C3orf70: variants seen among roughly 807,000 people sequenced by gnomAD.
C3orf70 encodes the protein chromosome 3 open reading frame 70.
A neutral mutation model predicts 20.7 loss-of-function variants in C3orf70; 15 were observed. That is an observed-to-expected ratio of 0.72 (90% CI 0.48 to 1.11). The LOEUF is 1.11. Among genes scored for constraint, C3orf70 ranks in the 50% most tolerant of loss-of-function variants. The pLI is 0.00. For synonymous variants in C3orf70, 161 were observed against 125.7 expected (o/e 1.28, Z -1.88); for missense variants, 332 against 317.6 (o/e 1.05, Z -0.34).
intron 1 of C3orf70, among the ~76,000 whole-genome samples, chr3:185,119,390 C>T (rs1330056297): frequency 3.9e-5 from 6 of 152,244 alleles, no homozygotes; most frequent in East Asian, 1.9e-4. Flanking sequence ...CGGTGGTTCA[C>T]GCCTGTAATC....
chr3:185,096,130 G>C (rs1219576963), intron 1 of C3orf70, among the ~76,000 whole-genome samples: 1 of 139,592 alleles, frequency 7.2e-6, no homozygotes, highest in Non-Finnish European at 1.6e-5. Context: ...TGTAATCAAA[G>C]AAAATATACT....
Position 185,152,722 on chromosome 3 carries a change from G to A in C3orf70, c.102C>T (p.Asp34=), listed in dbSNP as rs144176452. The change falls in exon 1 of 2, where the codon GAC becomes GAT. Residue 34 remains aspartate (D), a synonymous_variant. Transcript: ENST00000335012. The stretch of plus-strand genomic sequence containing the variant: ...TAGACAGCCCGTCGCACGGCTGGAA[G>A]TCGGGTCTGCGGGCGGCGCAACTCC... ...LARSCAARRP[D]FQPCDGLSIC... is the part of the protein sequence containing the mutation. 22 of 1,594,514 alleles carry A rather than the reference G, an allele frequency of 1.4e-5. No homozygotes were observed. The East Asian group carries it at 1.7e-4, about 12-fold the overall frequency.
At chr3:185,096,797 A>G (rs1715718178) in intron 1 of C3orf70, among the ~76,000 whole-genome samples, 1 of 151,932 alleles carries the variant, frequency 6.6e-6, no homozygotes, top group African/African-American at 2.4e-5. Flanking sequence ...TCCTGCCCAC[A>G]CTAAGCTTCT....
chr3:185,138,435 C>G (rs1275287538), intron 1 of C3orf70, among the ~76,000 whole-genome samples: 3 of 148,142 alleles, frequency 2.0e-5, no homozygotes, highest in Admixed American at 2.0e-4. Context: ...CAAAACCAGA[C>G]AGACAGTAAT....
rs954408400 is a variant in C3orf70 at position 185,079,171 on chromosome 3, C to T, written c.*3836G>A. ...TGGCGGGCACCTATAGTCCCAGCTA[C>T]TCAGGAGGCTGAGGCAGGAGAATGG... is the stretch of plus-strand genomic sequence containing the variant. On this transcript the variant is annotated 3_prime_UTR_variant, in exon 2 of 2. Transcript: ENST00000335012. 1.3e-5 allele frequency: 2 copies of T among 151,312 alleles called. No homozygotes were observed. Among genetic ancestry groups the T allele is most frequent in the Non-Finnish European group, 2.9e-5 (2 of 67,940 alleles). 9.4% of individuals were successfully genotyped at this position (151,312 alleles called of 1,614,324 possible). A position where few individuals can be genotyped will look rare whatever the true frequency, so the allele number is the denominator to read the frequency against.
At chr3:185,146,979 C>T (rs1216051041) in intron 1 of C3orf70, among the ~76,000 whole-genome samples, 2 of 152,186 alleles carry the variant, frequency 1.3e-5, no homozygotes, top group Non-Finnish European at 2.9e-5. Flanking sequence ...GCTGCGATAG[C>T]GCAGCCATAA....
At chr3:185,142,958 C>T (rs1431520129) in intron 1 of C3orf70, among the ~76,000 whole-genome samples, 15 of 152,206 alleles carry the variant, frequency 9.9e-5, no homozygotes, top group Admixed American at 9.8e-4. Context: ...AGTGTGATTG[C>T]TTTAGAGTGA....
At chr3:185,128,230 G>C (rs2108601509) in intron 1 of C3orf70, among the ~76,000 whole-genome samples, 1 of 152,230 alleles carries the variant, frequency 6.6e-6, no homozygotes, top group East Asian at 1.9e-4. Flanking sequence ...AAAACCACCA[G>C]GTAAAAAGTG....
chr3:185,134,774 A>T (rs1275364204), intron 1 of C3orf70, among the ~76,000 whole-genome samples: 1 of 152,184 alleles, frequency 6.6e-6, no homozygotes, highest in Non-Finnish European at 1.5e-5. Context: ...CTAAAAAGGT[A>T]CCTCAATACT....
rs1479892682 is a variant in C3orf70, at chr3:185,123,899, C to T, written c.196+28729G>A. ...TTATATTTTCAGGATTTTGATCTTTCAGAATTTCAACATTCAGGATTACAC... is the reference window on the plus strand; with the variant it reads ...TTATATTTTCAGGATTTTGATCTTTTAGAATTTCAACATTCAGGATTACAC... On this transcript the variant is annotated intron_variant, in intron 1 of 1. Coordinates refer to ENST00000335012, the MANE Select transcript of C3orf70 (RefSeq NM_001025266.3). Among the ~76,000 whole-genome samples, 4 of 151,984 alleles carry T rather than the reference C, an allele frequency of 2.6e-5. No homozygotes were observed. The South Asian group carries it at 6.2e-4, about 24-fold the overall frequency.
chr3:185,104,769 G>A (rs1715891237), intron 1 of C3orf70, among the ~76,000 whole-genome samples: 1 of 152,156 alleles, frequency 6.6e-6, no homozygotes, highest in South Asian at 2.1e-4. Flanking sequence ...GTGAAATGAT[G>A]AGAACACATG....
chr3:185,086,606 T>G lies in C3orf70; in HGVS notation c.197-3043A>C, dbSNP rs186920797. 1.1e-3 allele frequency among the ~76,000 whole-genome samples: 169 copies of G among 152,324 alleles called. 1 individual carries two copies. Among genetic ancestry groups the G allele is most frequent in the Admixed American group, 9.3e-3 (142 of 15,306 alleles). On this transcript the variant is annotated intron_variant, in intron 1 of 1. Transcript: ENST00000335012. ...TTCTAGACTGTGAGAAATACACGTT[T>G]GTTGTTTAAGCCACCCAGTCTGTGG...
chr3:185,090,618 A>G (rs1252562271), intron 1 of C3orf70, among the ~76,000 whole-genome samples: 1 of 152,212 alleles, frequency 6.6e-6, no homozygotes, highest in Non-Finnish European at 1.5e-5. Context: ...TTGAATTATA[A>G]TTATGTTTAT....
intron 1 of C3orf70, among the ~76,000 whole-genome samples, chr3:185,119,493 A>G (rs1716247727): frequency 1.3e-5 from 2 of 151,998 alleles, no homozygotes; most frequent in Admixed American, 6.6e-5. Context: ...TCTACTAAAA[A>G]TACAGCCATT....
chr3:185,135,572 G>A (rs1354820126), intron 1 of C3orf70, among the ~76,000 whole-genome samples: 2 of 152,198 alleles, frequency 1.3e-5, no homozygotes, highest in African/African-American at 4.8e-5. Flanking sequence ...AATTTCTGAT[G>A]TTCGATAGCA....
intron 1 of C3orf70, among the ~76,000 whole-genome samples, chr3:185,097,349 A>G (rs1288166957): frequency 6.6e-6 from 1 of 152,216 alleles, no homozygotes. Flanking sequence ...ACTAAAACCT[A>G]TTTTTTAAAG....
intron 1 of C3orf70, among the ~76,000 whole-genome samples, chr3:185,097,413 A>C (rs868687023): frequency 2.0e-5 from 3 of 152,252 alleles, no homozygotes; most frequent in African/African-American, 7.2e-5. Flanking sequence ...AAAATAACTA[A>C]GTGAAGCCAA....
intron 1 of C3orf70, among the ~76,000 whole-genome samples, chr3:185,122,459 G>A (rs1374722953): frequency 3.9e-5 from 6 of 152,128 alleles, no homozygotes; most frequent in Admixed American, 6.5e-5. Context: ...CGAAAGCCCC[G>A]AGTGTCTAAA....
chr3:185,123,568 A>G (rs1716350867), intron 1 of C3orf70, among the ~76,000 whole-genome samples: 1 of 150,360 alleles, frequency 6.7e-6, no homozygotes, highest in South Asian at 2.1e-4. Context: ...TTGAACTCCT[A>G]GGCTCAAGCG....
Sources: allele counts gnomAD v4.1 joint callset (sites outside exome capture counted in the v4.1 genomes callset), GRCh38; gene constraint gnomAD v4.1.1; transcripts MANE v1.5; gene names NCBI Gene and HGNC (gene_info 2026-07-23, HGNC 2026-07-21).